Variants in MID1 observed in about 807,000 individuals in gnomAD.
MID1 encodes E3 ubiquitin-protein ligase Midline-1.
In MID1, 7 loss-of-function variants were observed where a neutral mutation model predicts 40.4. That is an observed-to-expected ratio of 0.17 (90% CI 0.10 to 0.33). MID1 has a LOEUF of 0.33. MID1 is among the 10% of genes least tolerant of loss of function. The pLI is 1.00. For synonymous variants in MID1, 229 were observed against 221.2 expected, an observed-to-expected ratio of 1.04 and a Z score of -0.31; for missense variants, 367 against 558.5, an observed-to-expected ratio of 0.66 and a Z score of 3.46.
intron 1 of MID1, among the ~76,000 whole-genome samples, chrX:10,806,399 A>G (rs1420638982): frequency 8.9e-6 from 1 of 111,745 alleles, no homozygotes; most frequent in African/African-American, 3.3e-5. Flanking sequence ...AGGTAAACTG[A>G]TCTATATTCT....
At chrX:10,785,548 G>A (rs1433502167) in intron 1 of MID1, among the ~76,000 whole-genome samples, 5 of 111,192 alleles carry the variant, frequency 4.5e-5, no homozygotes, top group African/African-American at 1.3e-4. Flanking sequence ...GAGGCATCAC[G>A]CTACCTGACT....
intron 1 of MID1, among the ~76,000 whole-genome samples, chrX:10,651,260 C>T (rs989777820): frequency 1.8e-5 from 2 of 111,503 alleles, no homozygotes; most frequent in Non-Finnish European, 3.8e-5. Context: ...ATATACTAAG[C>T]TCACCCATAC....
At chrX:10,465,703 A>G (rs1461648274) in intron 7 of MID1, among the ~76,000 whole-genome samples, 2 of 110,869 alleles carry the variant, frequency 1.8e-5, no homozygotes, top group African/African-American at 3.3e-5. Flanking sequence ...TTCCACAACC[A>G]CAATGAAACA....
At chrX:10,513,328 G>A (rs1164118265) in intron 3 of MID1, among the ~76,000 whole-genome samples, 1 of 111,982 alleles carries the variant, frequency 8.9e-6, no homozygotes, top group Non-Finnish European at 1.9e-5. Flanking sequence ...TGGATTGATT[G>A]TTAGGATTAT....
At chrX:10,587,608 A>G (rs12394011) in intron 1 of MID1, among the ~76,000 whole-genome samples, 2,519 of 112,791 alleles carry the variant, frequency 0.022, 77 homozygotes, top group African/African-American at 0.076. Context: ...CTGGCCTGCC[A>G]TGTGCACAAG....
chrX:10,538,903 T>G (rs1321946847), intron 2 of MID1, among the ~76,000 whole-genome samples: 1 of 112,476 alleles, frequency 8.9e-6, no homozygotes, highest in Non-Finnish European at 1.9e-5. Flanking sequence ...AAATCTTAAT[T>G]CCATTTCAAA....
At chrX:10,586,167 G>GTA (rs1935137868) in intron 1 of MID1, among the ~76,000 whole-genome samples, 1 of 111,749 alleles carries the variant, frequency 8.9e-6, no homozygotes. Flanking sequence ...TAATAGGACT[G>GTA]TAGCAACCTT....
chrX:10,594,665 T>C (rs1602451850), intron 1 of MID1, among the ~76,000 whole-genome samples: 1 of 111,843 alleles, frequency 8.9e-6, no homozygotes, highest in East Asian at 2.8e-4. Flanking sequence ...CTGCGGATTA[T>C]TACCTGCTGA....
intron 2 of MID1, among the ~76,000 whole-genome samples, chrX:10,554,548 T>C (rs757502965): frequency 1.8e-5 from 2 of 112,110 alleles, no homozygotes; most frequent in East Asian, 5.6e-4. Flanking sequence ...ATGTGATATT[T>C]TGTTACATGC....
Position 10,721,007 on chromosome X carries a change from A to G in MID1, c.-186-100588T>C, listed in dbSNP as rs1481605036. 5.0e-5 allele frequency among the ~76,000 whole-genome samples: 5 copies of G among 100,671 alleles called. No individual in the cohort carries two copies. In the East Asian group the frequency reaches 1.7e-3, roughly 35 times the overall value. The allele number at this position is 100,671 out of a possible 115,157, so 87.4% of individuals were successfully genotyped here. On this transcript the variant is annotated intron_variant, in intron 1 of 10. Transcript: ENST00000380785. Reference sequence around the variant, plus strand: ...GGTGGGAATTGAACAATGAGAACACATGGACACAGGAAGGGGAACATCACA... The same window carrying G: ...GGTGGGAATTGAACAATGAGAACACGTGGACACAGGAAGGGGAACATCACA...
At chrX:10,801,574 C>A (rs2044007706) in intron 1 of MID1, among the ~76,000 whole-genome samples, 1 of 111,346 alleles carries the variant, frequency 9.0e-6, no homozygotes, top group Non-Finnish European at 1.9e-5. Flanking sequence ...AATATAATGT[C>A]CTTCAAAAAT....
chrX:10,599,621 C>T (rs897463135), intron 1 of MID1, among the ~76,000 whole-genome samples: 2 of 112,161 alleles, frequency 1.8e-5, no homozygotes, highest in South Asian at 3.7e-4. Context: ...AGGCCTCATG[C>T]TCCTCATTTG....
intron 2 of MID1, among the ~76,000 whole-genome samples, chrX:10,533,127 A>G (rs1456484644): frequency 9.1e-6 from 1 of 109,831 alleles, no homozygotes; most frequent in Non-Finnish European, 1.9e-5. Flanking sequence ...ACATTTTATG[A>G]CACATGAAAA....
At chrX:10,542,978 A>G (rs1479091262) in intron 2 of MID1, among the ~76,000 whole-genome samples, 3 of 112,616 alleles carry the variant, frequency 2.7e-5, no homozygotes, top group Non-Finnish European at 3.8e-5. Flanking sequence ...CTGGTATATA[A>G]GTGCTCACAA....
Position 10,702,039 on chromosome X carries a change from T to A in MID1, c.-186-81620A>T, listed in dbSNP as rs73480908. Among the ~76,000 whole-genome samples, 559 of 112,861 alleles carry A rather than the reference T, an allele frequency of 5.0e-3. 4 individuals carry two copies. Among genetic ancestry groups the A allele is most frequent in the African/African-American group, 0.017 (532 of 31,137 alleles). ...ATTGCAATCATGTTTCTGCACTGAA[T>A]GCATGCAGTGAACATATAATTATGC... On this transcript the variant is annotated intron_variant, in intron 1 of 10. Transcript: ENST00000380785.
chrX:10,537,180 C>T (rs1051435458), intron 2 of MID1, among the ~76,000 whole-genome samples: 1 of 110,082 alleles, frequency 9.1e-6, no homozygotes, highest in Non-Finnish European at 1.9e-5. Context: ...TACTTATAAA[C>T]GTCGTTCTTA....
At chrX:10,704,765 C>CACACACAG (rs781699598) in intron 1 of MID1, among the ~76,000 whole-genome samples, 102 of 91,600 alleles carry the variant, frequency 1.1e-3, no homozygotes, top group African/African-American at 4.0e-3. Flanking sequence ...CACACACACA[C>CACACACAG]AGAGAGAGAG....
intron 3 of MID1, chrX:10,506,270 A>C (rs1931826306): frequency 9.9e-7 from 1 of 1,010,152 alleles, no homozygotes; most frequent in African/African-American, 1.9e-5. Context: ...TTGTGCTATC[A>C]TTTCATTTTA....
chrX:10,814,325 A>C (rs1190874995), intron 1 of MID1, among the ~76,000 whole-genome samples: 1 of 111,780 alleles, frequency 8.9e-6, no homozygotes, highest in Non-Finnish European at 1.9e-5. Flanking sequence ...ATATAGCTTG[A>C]CATTTTAAAT....
Sources: gnomAD v4.1 joint callset for allele counts (sites outside exome capture counted in the v4.1 genomes callset) on GRCh38, gnomAD v4.1.1 for gene constraint, MANE v1.5 for transcripts, NCBI Gene and HGNC (gene_info 2026-07-23, HGNC 2026-07-21) for gene names.